The following CGNL1 variants were observed in gnomAD, a reference collection of about 807,000 sequenced individuals.
The protein encoded by CGNL1 is cingulin-like protein 1.
In CGNL1, 132 loss-of-function variants were observed where a neutral mutation model predicts 141.2. The observed-to-expected ratio is 0.93, with a 90% CI of 0.81 to 1.08. The LOEUF is 1.08. CGNL1 is among the 50% of genes least tolerant of loss of function. The pLI, the probability that CGNL1 is intolerant of heterozygous loss-of-function variation, is 0.00. For synonymous variants in CGNL1, 690 were observed against 622.1 expected (o/e 1.11, Z -1.63); for missense variants, 1,870 against 1,588.6 (o/e 1.18, Z -3.01).
intron 4 of CGNL1, among the ~76,000 whole-genome samples, chr15:57,444,155 G>C (rs974973359): frequency 6.6e-6 from 1 of 152,098 alleles, no homozygotes; most frequent in Admixed American, 6.5e-5. Flanking sequence ...CTATCACCTA[G>C]AGTCGTTTTG....
intron 1 of CGNL1, among the ~76,000 whole-genome samples, chr15:57,416,396 A>T (rs1173947799): frequency 6.6e-6 from 1 of 152,054 alleles, no homozygotes; most frequent in African/African-American, 2.4e-5. Flanking sequence ...CCACCTCTTC[A>T]AAGTCGTCAG....
intron 8 of CGNL1, among the ~76,000 whole-genome samples, chr15:57,500,375 A>G (rs1375384721): frequency 6.6e-6 from 1 of 152,162 alleles, no homozygotes; most frequent in Admixed American, 6.5e-5. Context: ...AAGCCCGAGG[A>G]GGAGGTTAAG....
chr15:57,386,823 A>G (rs754342), intron 1 of CGNL1, among the ~76,000 whole-genome samples: 1 of 152,006 alleles, frequency 6.6e-6, no homozygotes, highest in East Asian at 1.9e-4. Context: ...ATACTATTTG[A>G]TGTTGGCTTG....
At chr15:57,540,045 C>T (rs1232903432) in intron 14 of CGNL1, among the ~76,000 whole-genome samples, 1 of 152,166 alleles carries the variant, frequency 6.6e-6, no homozygotes, top group Non-Finnish European at 1.5e-5. Flanking sequence ...TGTGACTACT[C>T]TCTGTCTTCC....
At chr15:57,415,250 C>T (rs1264401946) in intron 1 of CGNL1, among the ~76,000 whole-genome samples, 2 of 152,152 alleles carry the variant, frequency 1.3e-5, no homozygotes, top group Non-Finnish European at 2.9e-5. Flanking sequence ...GTGACTATGC[C>T]ATCTTGCACA....
At chr15:57,491,045 G>A (rs1350271057) in intron 8 of CGNL1, among the ~76,000 whole-genome samples, 1 of 152,138 alleles carries the variant, frequency 6.6e-6, no homozygotes, top group East Asian at 1.9e-4. Context: ...ATGACCGAAT[G>A]TGATGGAGTA....
chr15:57,547,662 T>G lies in CGNL1; in HGVS notation c.*172T>G. On this transcript the variant is annotated 3_prime_UTR_variant, in exon 19 of 19. Coordinates refer to ENST00000281282, the MANE Select transcript of CGNL1 (RefSeq NM_032866.5). ...CTCGCCAGGGTCTCTCAGTGGGTCT[T>G]CGACAGAGAGCTTTTGCAGTTTAAA... 1.5e-6 allele frequency: 1 copy of G among 675,808 alleles called. No homozygotes were observed. Among genetic ancestry groups the G allele is most frequent in the Non-Finnish European group, 2.4e-6 (1 of 422,162 alleles). The allele number at this position is 675,808 out of a possible 1,614,324, so 41.9% of individuals were successfully genotyped here. A position where few individuals can be genotyped will look rare whatever the true frequency, so the allele number is the denominator to read the frequency against.
At chr15:57,421,990 A>G (rs1301800694) in intron 1 of CGNL1, among the ~76,000 whole-genome samples, 1 of 151,982 alleles carries the variant, frequency 6.6e-6, no homozygotes, top group Non-Finnish European at 1.5e-5. Context: ...ATTGATCATC[A>G]TGTCTTCTGC....
intron 1 of CGNL1, among the ~76,000 whole-genome samples, chr15:57,379,278 C>T (rs28580697): frequency 0.31 from 46,743 of 151,988 alleles, 8,499 homozygotes; most frequent in East Asian, 0.56. Flanking sequence ...TAAATGTGGG[C>T]CTAAGCACAT....
chr15:57,464,282 C>T (rs1474026533), intron 8 of CGNL1, among the ~76,000 whole-genome samples: 2 of 152,046 alleles, frequency 1.3e-5, no homozygotes, highest in East Asian at 3.8e-4. Context: ...GAATGCTGGG[C>T]CCATGTTGCT....
chr15:57,503,808 C>T (rs537704963), intron 8 of CGNL1, among the ~76,000 whole-genome samples: 6 of 152,252 alleles, frequency 3.9e-5, no homozygotes, highest in Admixed American at 2.6e-4. Flanking sequence ...CATCAGATCT[C>T]GTGAGACTTG....
chr15:57,451,796 G>A (rs2063325510), intron 5 of CGNL1, among the ~76,000 whole-genome samples, 195 bp downstream of exon 5: 1 of 151,790 alleles, frequency 6.6e-6, no homozygotes, highest in Non-Finnish European at 1.5e-5. Flanking sequence ...TGTAACCAAA[G>A]CCTATAGAGA....
intron 1 of CGNL1, among the ~76,000 whole-genome samples, chr15:57,402,402 T>A (rs2062670027): frequency 6.6e-6 from 1 of 152,192 alleles, no homozygotes; most frequent in Admixed American, 6.5e-5. Flanking sequence ...GTGAGCCAAG[T>A]AAACCTCTTT....
At chr15:57,466,022 G>T (rs1342375590) in intron 8 of CGNL1, among the ~76,000 whole-genome samples, 1 of 152,170 alleles carries the variant, frequency 6.6e-6, no homozygotes, top group Non-Finnish European at 1.5e-5. Flanking sequence ...GTTATGTGGG[G>T]TTTCCTCACC....
At chr15:57,466,439 C>G (rs1325542611) in intron 8 of CGNL1, among the ~76,000 whole-genome samples, 2 of 152,172 alleles carry the variant, frequency 1.3e-5, no homozygotes, top group East Asian at 3.9e-4. Context: ...GAAGTACAGA[C>G]AGTATAGTTT....
intron 4 of CGNL1, among the ~76,000 whole-genome samples, chr15:57,448,891 T>TC (rs1221546953): frequency 6.6e-6 from 1 of 152,128 alleles, no homozygotes; most frequent in African/African-American, 2.4e-5. Context: ...ATGTGTTATC[T>TC]CCCCCTGAAG....
chr15:57,479,265 CAG>C (rs765130548), intron 8 of CGNL1, among the ~76,000 whole-genome samples: 7 of 152,144 alleles, frequency 4.6e-5, no homozygotes, highest in Non-Finnish European at 1.0e-4. Context: ...GAGTGAAAAA[CAG>C]AGTAAGCCAG....
At chr15:57,533,155 G>C (rs1313964078) in intron 14 of CGNL1, among the ~76,000 whole-genome samples, 1 of 152,324 alleles carries the variant, frequency 6.6e-6, no homozygotes, top group Admixed American at 6.5e-5. Flanking sequence ...GCTCCTGAGA[G>C]TGAAGAAAGT....
chr15:57,508,859 C>T (rs947850748), intron 8 of CGNL1, among the ~76,000 whole-genome samples: 4 of 152,154 alleles, frequency 2.6e-5, no homozygotes, highest in Admixed American at 6.5e-5. Flanking sequence ...TCAGAATGAG[C>T]GTTTTAATGA....
Sources: gnomAD v4.1 joint callset for allele counts (sites outside exome capture counted in the v4.1 genomes callset) on GRCh38, gnomAD v4.1.1 for gene constraint, MANE v1.5 for transcripts, NCBI Gene and HGNC (gene_info 2026-07-23, HGNC 2026-07-21) for gene names.